The following RETREG3 variants were observed in gnomAD, a reference collection of about 807,000 sequenced individuals.
RETREG3 encodes the protein reticulophagy regulator 3.
In RETREG3, 23 loss-of-function variants were observed where a neutral mutation model predicts 50.2. The ratio of observed to expected loss-of-function variants is 0.46; its 90% CI spans 0.33 to 0.65. The LOEUF (loss-of-function observed/expected upper bound fraction) is 0.65. Ranked by LOEUF, RETREG3 falls within the 30% of genes least tolerant of loss-of-function variation. RETREG3 has a pLI of 0.02. For missense variants in RETREG3, 546 were observed against 598.0 expected (o/e 0.91, Z 0.91); for synonymous variants, 240 against 234.4 (o/e 1.02, Z -0.22).
At chr17:42,589,135 T>C (rs1407760317) in intron 2 of RETREG3, among the ~76,000 whole-genome samples, 1 of 151,956 alleles carries the variant, frequency 6.6e-6, no homozygotes, top group East Asian at 1.9e-4. Context: ...GGAGACCCAT[T>C]ATCTACCTGA....
rs62078393 is a variant in RETREG3, at chr17:42,608,960, G to A, written c.239+126C>T. 8,069 of 970,164 alleles carry A rather than the reference G, an allele frequency of 8.3e-3. 50 individuals carry two copies. Among genetic ancestry groups the A allele is most frequent in the Non-Finnish European group, 0.01 (6,696 of 668,190 alleles). 60.1% of individuals were successfully genotyped at this position (970,164 alleles called of 1,614,324 possible). The stretch of plus-strand genomic sequence containing the variant: ...GGCGGGATGGAGTGGAAGGAGGTGA[G>A]GCAAAATTAGGCAAGTACAGGAAGG... On this transcript the variant is annotated intron_variant, in intron 1 of 8. Transcript: ENST00000309428.
At chr17:42,603,053 T>C (rs552253162) in intron 1 of RETREG3, among the ~76,000 whole-genome samples, 7 of 152,208 alleles carry the variant, frequency 4.6e-5, no homozygotes, top group South Asian at 2.1e-4. Flanking sequence ...GATTTTTTTT[T>C]CCCCTTTTGT....
At chr17:42,593,769 G>A (rs1256215434) in intron 1 of RETREG3, among the ~76,000 whole-genome samples, 2 of 151,584 alleles carry the variant, frequency 1.3e-5, no homozygotes, top group African/African-American at 4.9e-5. Flanking sequence ...ATTTTTTTCA[G>A]ATCTATTTTG....
At chr17:42,608,359 C>T (rs2093172236) in intron 1 of RETREG3, among the ~76,000 whole-genome samples, 1 of 152,182 alleles carries the variant, frequency 6.6e-6, no homozygotes, top group African/African-American at 2.4e-5. Flanking sequence ...TGCTACTTTT[C>T]CAGCTCAGGA....
chr17:42,586,686 A>T (rs2093121944), intron 4 of RETREG3, 79 bp downstream of exon 4: 7 of 1,531,344 alleles, frequency 4.6e-6, no homozygotes, highest in Non-Finnish European at 6.2e-6. Context: ...ATGAAGACAC[A>T]TAGTAAAGGA....
intron 1 of RETREG3, among the ~76,000 whole-genome samples, chr17:42,597,037 A>G (rs925884229): frequency 1.5e-4 from 22 of 151,144 alleles, no homozygotes; most frequent in Non-Finnish European, 2.1e-4. Flanking sequence ...ATGCCCAGCT[A>G]ATTTTTAAAT....
intron 2 of RETREG3, 72 bp downstream of exon 2, chr17:42,591,984 C>G (rs2093134183): frequency 1.5e-6 from 2 of 1,334,414 alleles, no homozygotes; most frequent in African/African-American, 2.9e-5. Context: ...TCATAAACCC[C>G]TAATACTAAA....
chr17:42,591,610 G>T (rs1242241465), intron 2 of RETREG3, among the ~76,000 whole-genome samples: 1 of 152,094 alleles, frequency 6.6e-6, no homozygotes, highest in Non-Finnish European at 1.5e-5. Flanking sequence ...AAAGTGCAGG[G>T]GTTACTAATA....
At chr17:42,583,987 T>C (rs571832253) in intron 6 of RETREG3, among the ~76,000 whole-genome samples, 20 of 152,318 alleles carry the variant, frequency 1.3e-4, no homozygotes, top group Admixed American at 3.9e-4. Context: ...TTTGTATTTT[T>C]AGTAGAGACG....
At chr17:42,608,739 G>C (rs1485792400) in intron 1 of RETREG3, 1 of 248,820 alleles carries the variant, frequency 4.0e-6, no homozygotes, top group Admixed American at 5.3e-5. Flanking sequence ...CACTTGAGCA[G>C]ACAAGAGAAA....
rs2093109679 is a variant in RETREG3 at position 42,581,921 on chromosome 17, G to C, written c.1293C>G (p.Leu431=). 6.2e-7 allele frequency: 1 copy of C among 1,614,060 alleles called. No homozygotes were observed. The highest frequency in any genetic ancestry group is 1.1e-5 in the South Asian group (1 of 91,090). Residue 431 remains leucine, a synonymous_variant, in exon 9 of 9, where the codon CTC becomes CTG. Coordinates refer to ENST00000309428, the MANE Select transcript of RETREG3 (RefSeq NM_178126.4). ...TGTCCAGGTCTGAACTGGGGGACCG[G>C]AGGAAGCCTCTCGTTGCTCTCTGGG... The part of the protein sequence containing the change: ...APAQRATRGF[L]RSPSSDLDTD...
At chr17:42,597,498 TG>T (rs1228130805) in intron 1 of RETREG3, among the ~76,000 whole-genome samples, 587 of 10,100 alleles carry the variant, frequency 0.058, 13 homozygotes, top group African/African-American at 0.33. Context: ...GAATCTATTT[TG>T]TGTGTGTGTG....
intron 7 of RETREG3, 111 bp from the exon 8 acceptor site, chr17:42,582,917 A>G (rs946671087): frequency 2.9e-5 from 40 of 1,403,194 alleles, no homozygotes; most frequent in East Asian, 1.6e-4. Context: ...CATCAAATCA[A>G]TGTAACCAGG....
At chr17:42,583,866 G>A (rs1461271191) in intron 6 of RETREG3, among the ~76,000 whole-genome samples, 1 of 152,174 alleles carries the variant, frequency 6.6e-6, no homozygotes, top group African/African-American at 2.4e-5. Context: ...GGAGTGCAAT[G>A]GCGCGATCTC....
chr17:42,587,730 A>C (rs2093124014), intron 3 of RETREG3, 104 bp downstream of exon 3: 1 of 1,398,344 alleles, frequency 7.2e-7, no homozygotes, highest in South Asian at 1.2e-5. Context: ...CTAGGTTCTC[A>C]GTTTACACTG....
At chr17:42,608,474 T>G (rs1261156886) in intron 1 of RETREG3, among the ~76,000 whole-genome samples, 6 of 152,236 alleles carry the variant, frequency 3.9e-5, no homozygotes, top group Admixed American at 6.5e-5. Flanking sequence ...CACAGGTGGC[T>G]TTGACACGCG....
At chr17:42,585,819 AAT>A (rs1032833729) in intron 5 of RETREG3, among the ~76,000 whole-genome samples, 5 of 152,194 alleles carry the variant, frequency 3.3e-5, no homozygotes, top group African/African-American at 1.2e-4. Flanking sequence ...TAATACCAAC[AAT>A]ATATGTTAGT....
rs753450095 is a variant in RETREG3, at chr17:42,605,858, G to A, written c.239+3228C>T. 4.6e-5 allele frequency among the ~76,000 whole-genome samples: 7 copies of A among 151,980 alleles called. No homozygotes were observed. In the South Asian group the frequency reaches 6.2e-4, roughly 14 times the overall value. Reference sequence around the variant, plus strand: ...ATACAAAAATTAGCCAGACGTGATGGTGGGTGCCTGTAATCCCAGCTACTC... The same window carrying A: ...ATACAAAAATTAGCCAGACGTGATGATGGGTGCCTGTAATCCCAGCTACTC... On this transcript the variant is annotated intron_variant, in intron 1 of 8. Coordinates refer to ENST00000309428, the MANE Select transcript of RETREG3 (RefSeq NM_178126.4).
intron 1 of RETREG3, among the ~76,000 whole-genome samples, chr17:42,603,715 C>T (rs1449864745): frequency 6.6e-6 from 1 of 152,182 alleles, no homozygotes; most frequent in African/African-American, 2.4e-5. Context: ...CGGTGGCTCA[C>T]GCCTGTAATC....
Sources: allele counts gnomAD v4.1 joint callset (sites outside exome capture counted in the v4.1 genomes callset), GRCh38; gene constraint gnomAD v4.1.1; transcripts MANE v1.5; gene names NCBI Gene and HGNC (gene_info 2026-07-23, HGNC 2026-07-21).